Variants in PGGHG observed in about 807,000 individuals in gnomAD.
PGGHG encodes protein-glucosylgalactosylhydroxylysine glucosidase, also known as ATH1, acid trehalase-like 1.
In PGGHG, 67 loss-of-function variants were observed where a neutral mutation model predicts 74.5. That is an observed-to-expected ratio of 0.90 (90% confidence interval 0.74 to 1.10). The LOEUF is 1.10. Ranked by LOEUF, PGGHG falls within the 50% of genes least tolerant of loss-of-function variation. PGGHG has a pLI of 0.00. For synonymous variants in PGGHG, 496 were observed against 419.9 expected (o/e 1.18, Z -2.21); for missense variants, 1,034 against 981.5 (o/e 1.05, Z -0.72).
In PGGHG at chr11:290,560, G is replaced by C. The variant is rs763345981; in HGVS notation, c.430G>C (p.Asp144His). 3 of 1,551,650 alleles carry C rather than the reference G, an allele frequency of 1.9e-6. No individual in the cohort carries two copies. The highest frequency in any genetic ancestry group is 2.6e-6 in the Non-Finnish European group (3 of 1,147,566). ...GTCAGCCTTCTCCCCAGAAAGCCCA[G>C]ACCTGGACCTGCATCAGGGTCCTGA... Reference protein sequence around the residue: ...LRSAFSPESPDLDLHQGPDFQ... With the variant: ...LRSAFSPESPHLDLHQGPDFQ... The change falls in exon 3 of 14, where the codon GAC becomes CAC. Residue 144 changes from aspartate (D) to histidine (H), a missense_variant. Coordinates refer to ENST00000409548, the MANE Select transcript of PGGHG (RefSeq NM_025092.5).
At chr11:290,214 A>G in intron 2 of PGGHG, 139 bp downstream of exon 2, 2 of 1,386,502 alleles carry the variant, frequency 1.4e-6, no homozygotes, top group Non-Finnish European at 1.9e-6. Context: ...AGAGGCCCGC[A>G]GGGTCCCCCC....
Position 289,299 on chromosome 11 carries a change from C to T in PGGHG, c.-14+60C>T, listed in dbSNP as rs1392848420. ...GCCGCCCCGGCCCGTCCCCCCAGCC[C>T]CCGGTCGCCCCATCCTCCCTCCCCC... On this transcript the variant is annotated intron_variant, in intron 1 of 13. Transcript: ENST00000409548. This position sits in a 1 kb window ranked among gnomAD's most constrained non-coding sequence, Gnocchi z 5.6. 1 of 145,588 alleles carries T rather than the reference C, an allele frequency of 6.9e-6. No individual in the cohort carries two copies. Among genetic ancestry groups the T allele is most frequent in the Admixed American group, 6.7e-5 (1 of 14,876 alleles). 9.0% of individuals were successfully genotyped at this position (145,588 alleles called of 1,614,324 possible). A position where few individuals can be genotyped will look rare whatever the true frequency, so the allele number is the denominator to read the frequency against.
At chr11:291,712 C>T (rs1421236537) in intron 4 of PGGHG, 1 of 418,828 alleles carries the variant, frequency 2.4e-6, no homozygotes, top group Non-Finnish European at 4.3e-6. Context: ...GCTGCCCATG[C>T]GCATATTCGG....
rs1845656135 is a variant in PGGHG at position 289,637 on chromosome 11, C to G, written c.-13-167C>G. ...TCTGAGCCCCTCTGAGAGTCGAGCT[C>G]CTTTCCTGCGAGGCCCCGTCTAGGA... On this transcript the variant is annotated intron_variant, in intron 1 of 13. Coordinates refer to ENST00000409548, the MANE Select transcript of PGGHG (RefSeq NM_025092.5). The surrounding 1 kb of genome is among the most constrained non-coding windows in gnomAD (Gnocchi z 5.6). The G allele has an allele frequency of 2.4e-6, 2 of 838,340 alleles. No homozygotes were observed. Among genetic ancestry groups the G allele is most frequent in the Admixed American group, 3.0e-5 (1 of 33,460 alleles). The allele number at this position is 838,340 out of a possible 1,614,324, so 51.9% of individuals were successfully genotyped here. A position where few individuals can be genotyped will look rare whatever the true frequency, so the allele number is the denominator to read the frequency against.
chr11:289,689 C>A lies in PGGHG; in HGVS notation c.-13-115C>A. On this transcript the variant is annotated intron_variant, in intron 1 of 13. Coordinates refer to ENST00000409548, the MANE Select transcript of PGGHG (RefSeq NM_025092.5). This position sits in a 1 kb window ranked among gnomAD's most constrained non-coding sequence, Gnocchi z 5.6. ...GGGCCTCAGGAAAATCGGGGCTGCCCAGCTGGTTCCGCAACTCCCCCCAGT... is the reference window on the plus strand; with the variant it reads ...GGGCCTCAGGAAAATCGGGGCTGCCAAGCTGGTTCCGCAACTCCCCCCAGT... 3 of 1,331,348 alleles carry A rather than the reference C, an allele frequency of 2.3e-6. No individual in the cohort carries two copies. The highest frequency in any genetic ancestry group is 3.0e-6 in the Non-Finnish European group (3 of 1,002,954). The allele number at this position is 1,331,348 out of a possible 1,614,324, so 82.5% of individuals were successfully genotyped here.
In PGGHG at chr11:290,056, C is replaced by A; in HGVS notation, c.240C>A (p.Phe80Leu). ...AGMGEQLTET[F>L]ALDTNTGSFL... is the part of the protein sequence containing the mutation. ...TGGGGGAGCAGCTGACCGAGACCTT[C>A]GCCCTGGACACCAACACAGGTAGCG... Residue 80 changes from phenylalanine (F) to leucine (L), a missense_variant, in exon 2 of 14, where the codon TTC becomes TTA. Transcript: ENST00000409548. 6.5e-7 allele frequency: 1 copy of A among 1,536,748 alleles called. No homozygotes were observed.
chr11:290,222 C>T (rs1845676183), intron 2 of PGGHG, 147 bp downstream of exon 2: 1 of 1,376,066 alleles, frequency 7.3e-7, no homozygotes, highest in South Asian at 1.5e-5. Flanking sequence ...GCAGGGTCCC[C>T]CCTTCCCTCC....
rs1408430186 is a variant in PGGHG at position 294,614 on chromosome 11, G to A, written c.2079G>A (p.Leu693=). ...GGATACAAATGTCACCCCCGAAGCTGCCTGGAAGTTCCAGCTCCGAGTTCC... is the reference window on the plus strand; with the variant it reads ...GGATACAAATGTCACCCCCGAAGCTACCTGGAAGTTCCAGCTCCGAGTTCC... ...AGRIQMSPPK[L]PGSSSSEFPG... is the part of the protein sequence containing the mutation. Residue 693 remains leucine, a synonymous_variant, in exon 14 of 14, where the codon CTG becomes CTA. Transcript: ENST00000409548. 1.9e-6 allele frequency: 3 copies of A among 1,604,684 alleles called. No homozygotes were observed. Among genetic ancestry groups the A allele is most frequent in the East Asian group, 2.3e-5 (1 of 44,076 alleles).
chr11:289,665 G>A lies in PGGHG; in HGVS notation c.-13-139G>A, dbSNP rs1845656933. On this transcript the variant is annotated intron_variant, in intron 1 of 13. Coordinates refer to ENST00000409548, the MANE Select transcript of PGGHG (RefSeq NM_025092.5). The surrounding 1 kb of genome is among the most constrained non-coding windows in gnomAD (Gnocchi z 5.6). ...TTCCTGCGAGGCCCCGTCTAGGAGGGGCCTCAGGAAAATCGGGGCTGCCCA... is the reference window on the plus strand; with the variant it reads ...TTCCTGCGAGGCCCCGTCTAGGAGGAGCCTCAGGAAAATCGGGGCTGCCCA... The A allele has an allele frequency of 3.7e-6, 4 of 1,092,874 alleles. No individual in the cohort carries two copies. The highest frequency in any genetic ancestry group is 5.1e-6 in the Non-Finnish European group (4 of 788,142). The allele number at this position is 1,092,874 out of a possible 1,614,324, so 67.7% of individuals were successfully genotyped here.
At chr11:290,316 G>A (rs1337977864) in intron 2 of PGGHG, 74 bp from the exon 3 acceptor site, 7 of 1,448,856 alleles carry the variant, frequency 4.8e-6, no homozygotes, top group South Asian at 3.7e-5. Flanking sequence ...GAGAGGCAGC[G>A]GTCGGGTGGT....
At chr11:291,176 G>T in intron 4 of PGGHG, 63 bp downstream of exon 4, 14 of 1,490,648 alleles carry the variant, frequency 9.4e-6, no homozygotes, top group Non-Finnish European at 1.3e-5. Context: ...CACGGTCTCT[G>T]CCCTCCCTGG....
intron 5 of PGGHG, 74 bp downstream of exon 5, chr11:292,169 TC>T: frequency 3.4e-6 from 5 of 1,454,988 alleles, no homozygotes; most frequent in Non-Finnish European, 3.6e-6. Flanking sequence ...CAGGCCTGTA[TC>T]CCTCTCCCCA....
Position 289,729 on chromosome 11 carries a change from CA to C in PGGHG, c.-13-74del. On this transcript the variant is annotated intron_variant, in intron 1 of 13. Transcript: ENST00000409548. This position sits in a 1 kb window ranked among gnomAD's most constrained non-coding sequence, Gnocchi z 5.6. The stretch of plus-strand genomic sequence containing the variant: ...CTCCCCCCAGTTCTGAGGGAGGCTT[CA>C]GGGGATTACAGACGGTCTCAAGAGG... 6.9e-7 allele frequency: 1 copy of C among 1,458,272 alleles called. No individual in the cohort carries two copies. Among genetic ancestry groups the C allele is most frequent in the Non-Finnish European group, 9.1e-7 (1 of 1,099,732 alleles). 90.3% of individuals were successfully genotyped at this position (1,458,272 alleles called of 1,614,324 possible). A position where few individuals can be genotyped will look rare whatever the true frequency, so the allele number is the denominator to read the frequency against.
At position 290,465 on chromosome 11, in the gene PGGHG, A is replaced by G. The variant is rs1564839279; in HGVS notation, c.335A>G (p.His112Arg). The change falls in exon 3 of 14, where the codon CAC (histidine) becomes CGC (arginine). Residue 112 changes from histidine (H) to arginine (R), a missense_variant. By Grantham distance (29) the His-to-Arg change is conservative. Transcript: ENST00000409548. ...QCIYAHRTLP[H>R]VLAFRVSIAR... ...ATCTATGCGCATCGCACGCTGCCCC[A>G]CGTGCTGGCTTTCCGAGTGTCCATC... 1.3e-6 allele frequency: 2 copies of G among 1,549,870 alleles called. No homozygotes were observed. The highest frequency in any genetic ancestry group is 1.7e-6 in the Non-Finnish European group (2 of 1,146,906).
chr11:292,853 G>A lies in PGGHG; in HGVS notation c.1159-33G>A, dbSNP rs369165114. ...GCCACTAGGAATGAGAGTGACTGGG[G>A]CCCTGGCCTCTGTGCCTCCTCCTGC... On this transcript the variant is annotated intron_variant, in intron 6 of 13. Transcript: ENST00000409548. 12 of 1,613,208 alleles carry A rather than the reference G, an allele frequency of 7.4e-6. No individual in the cohort carries two copies. The African/African-American group carries it at 1.5e-4, about 20-fold the overall frequency.
intron 11 of PGGHG, 28 bp from the exon 12 acceptor site, chr11:294,071 C>T (rs1431303025): frequency 3.1e-6 from 5 of 1,587,686 alleles, no homozygotes; most frequent in Non-Finnish European, 4.3e-6. Context: ...CCTGGGGGTC[C>T]TGGTGTCAGC....
In PGGHG at chr11:290,025, C is replaced by T; in HGVS notation, c.209C>T (p.Ala70Val). The change falls in exon 2 of 14, where the codon GCA becomes GTA. Residue 70 changes from alanine (A) to valine (V), a missense_variant. By Grantham distance (64) the Ala-to-Val change is moderately conservative. Coordinates refer to ENST00000409548, the MANE Select transcript of PGGHG (RefSeq NM_025092.5). ...CTCAACGTCCGGCTGGAGGCCCCTG[C>T]AGGGATGGGGGAGCAGCTGACCGAG... ...SPLNVRLEAP[A>V]GMGEQLTETF... 6.5e-7 allele frequency: 1 copy of T among 1,545,570 alleles called. No individual in the cohort carries two copies. The highest frequency in any genetic ancestry group is 8.7e-7 in the Non-Finnish European group (1 of 1,146,518).
At position 290,008 on chromosome 11, in the gene PGGHG, C is replaced by A. The variant is rs997047059; in HGVS notation, c.192C>A (p.Val64=). The A allele has an allele frequency of 1.3e-6, 2 of 1,547,694 alleles. No homozygotes were observed. The highest frequency in any genetic ancestry group is 2.0e-5 in the Admixed American group (1 of 50,994). ...HRAMLPSPLN[V]RLEAPAGMGE... ...CCATGCTGCCCAGCCCCCTCAACGT[C>A]CGGCTGGAGGCCCCTGCAGGGATGG... The change falls in exon 2 of 14, where the codon GTC becomes GTA. Residue 64 remains valine, a synonymous_variant. Coordinates refer to ENST00000409548, the MANE Select transcript of PGGHG (RefSeq NM_025092.5).
At chr11:294,243 C>G in intron 12 of PGGHG, 24 bp from the exon 13 acceptor site, 1 of 1,593,092 alleles carries the variant, frequency 6.3e-7, no homozygotes, top group Non-Finnish European at 8.6e-7. Context: ...CCACCTGCCA[C>G]CTCACAAGCC....
Sources: allele counts gnomAD v4.1 joint callset, GRCh38; gene constraint gnomAD v4.1.1; non-coding constraint Gnocchi (gnomAD v3.1); transcripts MANE v1.5; gene names NCBI Gene and HGNC (gene_info 2026-07-23, HGNC 2026-07-21).